Variants in DDX60 observed in about 807,000 individuals in gnomAD.
DDX60 encodes probable ATP-dependent RNA helicase DDX60.
DDX60 carries 165 observed loss-of-function variants against 212.8 expected under a neutral mutation model. That is an observed-to-expected ratio of 0.78 (90% confidence interval 0.68 to 0.88). The LOEUF is 0.88. DDX60 is among the 40% of genes least tolerant of loss of function. The probability of loss-of-function intolerance (pLI) is 0.00; values close to 1 mark genes in which losing one functional copy is unlikely to be tolerated. For synonymous variants in DDX60, 703 were observed against 685.3 expected, an observed-to-expected ratio of 1.03 and a Z score of -0.40; for missense variants, 1,905 against 2,003.9, an observed-to-expected ratio of 0.95 and a Z score of 0.94.
chr4:168,323,953 G>C, the DDX60 span, among the ~76,000 whole-genome samples: 2 of 152,214 alleles, frequency 1.3e-5, no homozygotes, highest in African/African-American at 2.4e-5. Context: ...CACATATCGT[G>C]GTGGTGATTC....
chr4:168,322,913 G>T (rs1737634724), upstream of DDX60, among the ~76,000 whole-genome samples: 1 of 152,200 alleles, frequency 6.6e-6, no homozygotes, highest in Non-Finnish European at 1.5e-5. Flanking sequence ...CCCACAGGAG[G>T]ATGTGATTGT....
At chr4:168,223,052 C>T in intron 35 of DDX60, among the ~76,000 whole-genome samples, 1 of 151,988 alleles carries the variant, frequency 6.6e-6, no homozygotes, top group East Asian at 1.9e-4. Flanking sequence ...TCATAAAATT[C>T]AAAAGCAAAT....
intron 18 of DDX60, among the ~76,000 whole-genome samples, chr4:168,272,476 T>A (rs781318905): frequency 1.3e-5 from 2 of 152,224 alleles, no homozygotes; most frequent in Non-Finnish European, 2.9e-5. Flanking sequence ...GATTGAAAGA[T>A]GTTTATTAAG....
rs116311974 is a variant in DDX60 at position 168,299,482 on chromosome 4, A to T, written c.723+2818T>A. ...GATGAAAGAAAGCACAAAATAAATTAAAAAATCAACAGATCTCATTAATAA... is the reference window on the plus strand; with the variant it reads ...GATGAAAGAAAGCACAAAATAAATTTAAAAATCAACAGATCTCATTAATAA... On this transcript the variant is annotated intron_variant, in intron 6 of 37. Coordinates refer to ENST00000393743, the MANE Select transcript of DDX60 (RefSeq NM_017631.6). Among the ~76,000 whole-genome samples the T allele has an allele frequency of 3.7e-3, 560 of 152,154 alleles. 2 individuals are homozygous for T. The highest frequency in any genetic ancestry group is 0.012 in the African/African-American group (498 of 41,540).
At chr4:168,279,051 G>A (rs1735475291) in intron 14 of DDX60, among the ~76,000 whole-genome samples, 1 of 152,100 alleles carries the variant, frequency 6.6e-6, no homozygotes, top group Admixed American at 6.5e-5. Context: ...CATAAAACAT[G>A]GAAGGACAGA....
chr4:168,287,043 A>C lies in DDX60; in HGVS notation c.1339+5T>G. 2.5e-6 allele frequency: 4 copies of C among 1,592,760 alleles called. No individual in the cohort carries two copies. Among genetic ancestry groups the C allele is most frequent in the Non-Finnish European group, 3.4e-6 (4 of 1,172,882 alleles). ...TCATTTCAGATTAATTTAGAAATTT[A>C]TTACCTTTGATTGGTGATGGTTTCT... On this transcript the variant is annotated splice_donor_5th_base_variant and intron_variant, in intron 10 of 37. Transcript: ENST00000393743.
rs1300977903 is a variant in DDX60, at chr4:168,224,288, A to G, written c.4779T>C (p.Ser1593=). ...RVAISPFVCL[S]GNFDDDLLRL... is the part of the protein sequence containing the mutation. ...GAAGCAAATCATCATCAAAGTTCCC[A>G]GACAGACAAACAAATGGTGAAATTG... Residue 1593 remains serine, a synonymous_variant, in exon 35 of 38, where the codon TCT becomes TCC. Transcript: ENST00000393743. The G allele has an allele frequency of 6.2e-7, 1 of 1,612,466 alleles. No homozygotes were observed. The highest frequency in any genetic ancestry group is 8.5e-7 in the Non-Finnish European group (1 of 1,179,024).
At chr4:168,294,631 G>A (rs1736260923) in intron 6 of DDX60, among the ~76,000 whole-genome samples, 1 of 151,964 alleles carries the variant, frequency 6.6e-6, no homozygotes, top group African/African-American at 2.4e-5. Context: ...CTCCCAAGTA[G>A]CTAGGATTAC....
intron 1 of DDX60, among the ~76,000 whole-genome samples, chr4:168,312,309 T>C (rs1243929718): frequency 6.6e-6 from 1 of 152,152 alleles, no homozygotes; most frequent in African/African-American, 2.4e-5. Context: ...AGATTCCCCA[T>C]AAGCCATGAT....
chr4:168,234,839 A>C (rs1733576712), intron 33 of DDX60, among the ~76,000 whole-genome samples: 1 of 152,086 alleles, frequency 6.6e-6, no homozygotes, highest in Non-Finnish European at 1.5e-5. Context: ...AAGAGAGTGA[A>C]AGTATGATCA....
At chr4:168,270,592 G>C (rs999181693) in intron 19 of DDX60, among the ~76,000 whole-genome samples, 1 of 152,206 alleles carries the variant, frequency 6.6e-6, no homozygotes, top group African/African-American at 2.4e-5. Flanking sequence ...CAAAGTTCTA[G>C]ATTGCACAGA....
At chr4:168,290,530 G>T (rs1263822514) in intron 8 of DDX60, among the ~76,000 whole-genome samples, 1 of 151,372 alleles carries the variant, frequency 6.6e-6, no homozygotes, top group African/African-American at 2.4e-5. Context: ...TAGTAGAGAC[G>T]GGGTTTCACC....
At position 168,286,069 on chromosome 4, in the gene DDX60, AAAGC is replaced by A. The variant is rs1273949143; in HGVS notation, c.1340-575_1340-572del. ...AAAAAGAAAAAGAAAGAAAGAAAGAAAAGCAAGCAAGCAAGCACACAGGGAGGGA... is the reference window on the plus strand; with the variant it reads ...AAAAAGAAAAAGAAAGAAAGAAAGAAAAGCAAGCAAGCACACAGGGAGGGA... On this transcript the variant is annotated intron_variant, in intron 10 of 37. Transcript: ENST00000393743. Among the ~76,000 whole-genome samples, 121 of 149,288 alleles carry A rather than the reference AAAGC, an allele frequency of 8.1e-4. 1 individual carries two copies. The highest frequency in any genetic ancestry group is 6.0e-4 in the Admixed American group (9 of 15,010).
In DDX60 at chr4:168,285,474, T is replaced by C. The variant is rs1735784566; in HGVS notation, c.1364A>G (p.Asn455Ser). ...AGATGACGTTGGAATAAAACCCAAATTGGGCACCATTTCATTGGAGCTGTC... is the reference window on the plus strand; with the variant it reads ...AGATGACGTTGGAATAAAACCCAAACTGGGCACCATTTCATTGGAGCTGTC... The part of the protein sequence containing the change: ...IKDSSNEMVP[N>S]LGFIPTSSFV... The change falls in exon 11 of 38, where the codon AAT (asparagine) becomes AGT (serine). Residue 455 changes from asparagine (N) to serine (S), a missense_variant. By Grantham distance (46) the Asn-to-Ser change is conservative. Transcript: ENST00000393743. 5 of 1,609,672 alleles carry C rather than the reference T, an allele frequency of 3.1e-6. No homozygotes were observed. The highest frequency in any genetic ancestry group is 1.6e-4 in the Middle Eastern group (1 of 6,068).
At chr4:168,302,452 A>C (rs752252342) in intron 5 of DDX60, 36 bp from the exon 6 acceptor site, 2 of 920,868 alleles carry the variant, frequency 2.2e-6, no homozygotes, top group South Asian at 4.7e-5. Context: ...AGTTGTTATA[A>C]ATAAAATATG....
chr4:168,308,754 T>C (rs1737002426), intron 3 of DDX60, among the ~76,000 whole-genome samples: 1 of 149,034 alleles, frequency 6.7e-6, no homozygotes, highest in African/African-American at 2.4e-5. Flanking sequence ...TACTGATACA[T>C]AGATATATAC....
At chr4:168,312,510 A>G (rs1213489680) in intron 1 of DDX60, among the ~76,000 whole-genome samples, 1 of 152,156 alleles carries the variant, frequency 6.6e-6, no homozygotes, top group African/African-American at 2.4e-5. Context: ...TACTTAATAT[A>G]TCAAGAGAGG....
chr4:168,264,594 G>C (rs1734762737), intron 22 of DDX60, among the ~76,000 whole-genome samples: 3 of 152,126 alleles, frequency 2.0e-5, no homozygotes, highest in Non-Finnish European at 4.4e-5. Context: ...TTTTAGAGAG[G>C]TCTGAGCTTC....
intron 2 of DDX60, 45 bp from the exon 3 acceptor site, chr4:168,311,112 A>G: frequency 7.0e-7 from 1 of 1,433,032 alleles, no homozygotes; most frequent in Non-Finnish European, 9.7e-7. Context: ...TTATTTTTCA[A>G]TTGGTCCTTT....
Sources: allele counts gnomAD v4.1 joint callset (sites outside exome capture counted in the v4.1 genomes callset), GRCh38; gene constraint gnomAD v4.1.1; transcripts MANE v1.5; gene names NCBI Gene and HGNC (gene_info 2026-07-23, HGNC 2026-07-21).